NELL1: variants seen among roughly 807,000 people sequenced by gnomAD.
The protein encoded by NELL1 is neural EGFL like 1, also known as protein kinase C-binding protein NELL1.
In NELL1, 76 loss-of-function variants were observed where a neutral mutation model predicts 107.4. The observed-to-expected ratio is 0.71, with a 90% CI of 0.59 to 0.86. NELL1 has a LOEUF of 0.86. Among genes scored for constraint, NELL1 ranks in the 40% least tolerant of loss-of-function variants. The pLI is 0.00. For missense variants in NELL1, 1,024 were observed against 1,005.5 expected (o/e 1.02, Z -0.25); for synonymous variants, 353 against 341.2 (o/e 1.03, Z -0.38).
chr11:20,750,434 TATA>T (rs1358465040), intron 2 of NELL1, among the ~76,000 whole-genome samples: 1 of 152,040 alleles, frequency 6.6e-6, no homozygotes, highest in Non-Finnish European at 1.5e-5. Context: ...TGAAGCCCAG[TATA>T]TATATTTTTT....
intron 12 of NELL1, among the ~76,000 whole-genome samples, chr11:21,019,450 A>G (rs1237058641): frequency 6.6e-6 from 1 of 152,102 alleles, no homozygotes; most frequent in Non-Finnish European, 1.5e-5. Flanking sequence ...AGAAAAGAGT[A>G]GAGTCATTCT....
chr11:21,239,086 A>G (rs1858282410), intron 14 of NELL1, among the ~76,000 whole-genome samples: 1 of 152,100 alleles, frequency 6.6e-6, no homozygotes, highest in African/African-American at 2.4e-5. Flanking sequence ...CTCAGTAGAC[A>G]TTAGCAATTG....
intron 3 of NELL1, among the ~76,000 whole-genome samples, chr11:20,825,318 C>G (rs1406655249): frequency 6.6e-6 from 1 of 151,274 alleles, no homozygotes; most frequent in Admixed American, 6.6e-5. Context: ...AAGAGGGCAA[C>G]TGTCCTCCAG....
At chr11:21,171,290 A>G (rs1245831751) in intron 13 of NELL1, among the ~76,000 whole-genome samples, 2 of 151,804 alleles carry the variant, frequency 1.3e-5, no homozygotes, top group African/African-American at 2.4e-5. Flanking sequence ...TGTGTACTAT[A>G]TATAATTATA....
chr11:20,922,002 T>A (rs1275277364), intron 7 of NELL1, among the ~76,000 whole-genome samples: 1 of 151,958 alleles, frequency 6.6e-6, no homozygotes, highest in African/African-American at 2.4e-5. Context: ...CAAGGAAGAT[T>A]TTTTTTTCCT....
chr11:20,975,639 AT>A (rs1482393625), intron 12 of NELL1, among the ~76,000 whole-genome samples: 1 of 131,726 alleles, frequency 7.6e-6, no homozygotes, highest in African/African-American at 2.7e-5. Context: ...ACATATATGT[AT>A]TATATAATGT....
At chr11:20,736,713 A>G (rs1855769942) in intron 2 of NELL1, among the ~76,000 whole-genome samples, 1 of 151,864 alleles carries the variant, frequency 6.6e-6, no homozygotes, top group Admixed American at 6.6e-5. Context: ...AAAAGTTGAT[A>G]ATTTCTGGAC....
At chr11:21,291,305 C>A (rs751574513) in intron 14 of NELL1, among the ~76,000 whole-genome samples, 3 of 152,058 alleles carry the variant, frequency 2.0e-5, no homozygotes, top group Admixed American at 1.3e-4. Flanking sequence ...AGAGCAAAGA[C>A]ACAACGTACC....
intron 13 of NELL1, among the ~76,000 whole-genome samples, chr11:21,203,003 C>T (rs55958757): frequency 0.064 from 9,720 of 151,672 alleles, 317 homozygotes; most frequent in East Asian, 0.14. Context: ...TTACGACTTC[C>T]GTTCTTTTGC....
chr11:21,234,598 A>ATAGG (rs1412354081), intron 14 of NELL1, among the ~76,000 whole-genome samples: 1 of 152,246 alleles, frequency 6.6e-6, no homozygotes, highest in Non-Finnish European at 1.5e-5. Flanking sequence ...CTCCAGGAAC[A>ATAGG]TAGGTGAAAT....
chr11:20,733,588 G>A (rs976467048), intron 2 of NELL1, among the ~76,000 whole-genome samples: 1 of 152,188 alleles, frequency 6.6e-6, no homozygotes, highest in African/African-American at 2.4e-5. Flanking sequence ...TGGTCCATAT[G>A]TAGAAGTTTA....
At chr11:21,375,135 A>G (rs1199232493) in intron 15 of NELL1, among the ~76,000 whole-genome samples, 1 of 152,084 alleles carries the variant, frequency 6.6e-6, no homozygotes, top group East Asian at 1.9e-4. Flanking sequence ...TCCTAGATAT[A>G]GGATGAGTAA....
intron 2 of NELL1, among the ~76,000 whole-genome samples, chr11:20,692,464 C>G (rs969249624): frequency 2.0e-5 from 3 of 151,286 alleles, no homozygotes; most frequent in Non-Finnish European, 4.4e-5. Flanking sequence ...TGAATGTGTC[C>G]CAGAGATTCT....
At chr11:20,861,482 A>T (rs1239509236) in intron 4 of NELL1, among the ~76,000 whole-genome samples, 1 of 152,072 alleles carries the variant, frequency 6.6e-6, no homozygotes, top group African/African-American at 2.4e-5. Context: ...GCTACAATAC[A>T]TCTCTCTTTC....
chr11:21,279,609 T>A (rs1848946122), intron 14 of NELL1, among the ~76,000 whole-genome samples: 1 of 152,114 alleles, frequency 6.6e-6, no homozygotes, highest in African/African-American at 2.4e-5. Flanking sequence ...CACCAAATCC[T>A]CAAAAGGTTA....
At chr11:20,998,427 C>T (rs930510691) in intron 12 of NELL1, among the ~76,000 whole-genome samples, 11 of 151,992 alleles carry the variant, frequency 7.2e-5, no homozygotes, top group African/African-American at 2.7e-4. Flanking sequence ...TCTGAAGTTT[C>T]TTTTGCTAAG....
chr11:21,367,274 AC>A (rs1851248030), intron 14 of NELL1, among the ~76,000 whole-genome samples: 2 of 143,194 alleles, frequency 1.4e-5, no homozygotes, highest in Non-Finnish European at 3.2e-5. Flanking sequence ...ACACACACAC[AC>A]ACACACACAC....
At chr11:20,955,003 A>G (rs979454611) in intron 11 of NELL1, among the ~76,000 whole-genome samples, 4 of 152,208 alleles carry the variant, frequency 2.6e-5, no homozygotes, top group African/African-American at 9.6e-5. Flanking sequence ...AAGGATGCAC[A>G]TGTGCCGTTG....
At chr11:21,212,348 T>C (rs921712878) in intron 13 of NELL1, among the ~76,000 whole-genome samples, 2 of 152,186 alleles carry the variant, frequency 1.3e-5, no homozygotes, top group Admixed American at 1.3e-4. Flanking sequence ...TTATTATTGC[T>C]GTTTAGAAAA....
Sources: gnomAD v4.1 joint callset for allele counts (sites outside exome capture counted in the v4.1 genomes callset) on GRCh38, gnomAD v4.1.1 for gene constraint, MANE v1.5 for transcripts, NCBI Gene and HGNC (gene_info 2026-07-23, HGNC 2026-07-21) for gene names.